Variants in DPP6 observed in about 807,000 individuals in gnomAD.
DPP6 encodes the protein A-type potassium channel modulatory protein DPP6.
In DPP6, 69 loss-of-function variants were observed where a neutral mutation model predicts 122.6. That is an observed-to-expected ratio of 0.56 (90% CI 0.46 to 0.69). The LOEUF (loss-of-function observed/expected upper bound fraction) is 0.69, where lower values mean the gene tolerates loss of function less well. Ranked by LOEUF, DPP6 falls within the 30% of genes least tolerant of loss-of-function variation. The pLI is 0.00. For synonymous variants in DPP6, 418 were observed against 433.1 expected (o/e 0.97, Z 0.43); for missense variants, 928 against 1,116.9 (o/e 0.83, Z 2.41).
intron 1 of DPP6, among the ~76,000 whole-genome samples, chr7:153,975,369 G>C (rs1372208076): frequency 8.1e-6 from 1 of 122,924 alleles, no homozygotes; most frequent in Non-Finnish European, 1.6e-5. Flanking sequence ...GGGAACTTAA[G>C]CCTACAAAGA....
chr7:154,677,086 T>G (rs1327904575), intron 7 of DPP6, among the ~76,000 whole-genome samples: 1 of 152,220 alleles, frequency 6.6e-6, no homozygotes, highest in Non-Finnish European at 1.5e-5. Flanking sequence ...TAATACAGAA[T>G]TTCATTCTAT....
At chr7:154,278,800 GTGTA>G (rs924372080) in intron 1 of DPP6, among the ~76,000 whole-genome samples, 1 of 152,178 alleles carries the variant, frequency 6.6e-6, no homozygotes, top group Non-Finnish European at 1.5e-5. Flanking sequence ...ATGTGTATGA[GTGTA>G]TGTATGTGTG....
At chr7:154,499,545 T>G (rs1055079637) in intron 3 of DPP6, among the ~76,000 whole-genome samples, 1 of 152,204 alleles carries the variant, frequency 6.6e-6, no homozygotes, top group African/African-American at 2.4e-5. Flanking sequence ...TCTCATCTCA[T>G]GGGTTTTAAA....
intron 1 of DPP6, among the ~76,000 whole-genome samples, chr7:153,951,697 A>G (rs1341719124): frequency 2.6e-5 from 4 of 152,158 alleles, no homozygotes; most frequent in African/African-American, 9.7e-5. Flanking sequence ...CACCAAACAC[A>G]AGAAGTTTTC....
intron 7 of DPP6, among the ~76,000 whole-genome samples, chr7:154,690,078 T>C (rs2131211612): frequency 6.6e-6 from 1 of 152,316 alleles, no homozygotes; most frequent in Non-Finnish European, 1.5e-5. Flanking sequence ...AAACATAAAT[T>C]CAGGCCCTAA....
intron 3 of DPP6, among the ~76,000 whole-genome samples, chr7:154,526,196 A>G (rs1827393880): frequency 6.6e-6 from 1 of 152,132 alleles, no homozygotes. Flanking sequence ...AAGATTTCCT[A>G]TTTTGTCCCA....
At chr7:153,908,816 C>T (rs573516844) in intron 1 of DPP6, among the ~76,000 whole-genome samples, 5 of 152,174 alleles carry the variant, frequency 3.3e-5, no homozygotes, top group African/African-American at 7.2e-5. Flanking sequence ...GTCAGTGGTG[C>T]AATCTTGGCT....
At chr7:154,466,401 C>A (rs1821787155) in intron 2 of DPP6, among the ~76,000 whole-genome samples, 1 of 152,178 alleles carries the variant, frequency 6.6e-6, no homozygotes, top group Non-Finnish European at 1.5e-5. Flanking sequence ...CTTCTGGAGG[C>A]TGGAAGTCCA....
chr7:154,072,291 G>T (rs1250773295), intron 1 of DPP6, among the ~76,000 whole-genome samples: 1 of 152,202 alleles, frequency 6.6e-6, no homozygotes, highest in Non-Finnish European at 1.5e-5. Flanking sequence ...AGAATCAATT[G>T]CTTATCCATG....
intron 5 of DPP6, among the ~76,000 whole-genome samples, chr7:154,573,430 G>A (rs1831257150): frequency 6.6e-6 from 1 of 152,176 alleles, no homozygotes; most frequent in Non-Finnish European, 1.5e-5. Flanking sequence ...CTTCTGAGAA[G>A]GCAGTGGATG....
chr7:154,819,704 A>AAAAAC, intron 16 of DPP6, among the ~76,000 whole-genome samples: 1 of 152,330 alleles, frequency 6.6e-6, no homozygotes, highest in Non-Finnish European at 1.5e-5. Context: ...AAACAAAAAC[A>AAAAAC]AAAACAATGC....
At position 154,406,447 on chromosome 7, in the gene DPP6, ACG is replaced by A. The variant is rs1386631922; in HGVS notation, c.244-39765_244-39764del. Among the ~76,000 whole-genome samples the A allele has an allele frequency of 4.9e-3, 568 of 116,484 alleles. 1 individual carries two copies. Among genetic ancestry groups the A allele is most frequent in the Non-Finnish European group, 6.8e-3 (371 of 54,352 alleles). The allele number at this position is 116,484 out of a possible 152,430, so 76.4% of individuals were successfully genotyped here. Reference sequence around the variant, plus strand: ...CACGCATGCACACACACACACACACACGCACACATGCACATGCACACGCACAC... The same window carrying A: ...CACGCATGCACACACACACACACACACACACATGCACATGCACACGCACAC... On this transcript the variant is annotated intron_variant, in intron 1 of 25. Transcript: ENST00000377770.
At chr7:154,181,749 C>CTTTTTTTTTT (rs57576340) in intron 1 of DPP6, among the ~76,000 whole-genome samples, 1 of 134,912 alleles carries the variant, frequency 7.4e-6, no homozygotes. Context: ...GCATCTCCCT[C>CTTTTTTTTTT]TTTTTTTTTT....
intron 1 of DPP6, among the ~76,000 whole-genome samples, chr7:154,281,365 A>G (rs1804501067): frequency 6.6e-6 from 1 of 151,970 alleles, no homozygotes; most frequent in African/African-American, 2.4e-5. Context: ...AAATGGGTGC[A>G]TCCTCTACAA....
chr7:154,260,732 ATATATG>A (rs1563381283), intron 1 of DPP6, among the ~76,000 whole-genome samples: 1 of 147,952 alleles, frequency 6.8e-6, no homozygotes, highest in African/African-American at 2.5e-5. Flanking sequence ...TAAAATACAT[ATATATG>A]TATAATATAT....
At chr7:154,322,993 G>A (rs1320928082) in intron 1 of DPP6, among the ~76,000 whole-genome samples, 1 of 151,990 alleles carries the variant, frequency 6.6e-6, no homozygotes, top group Non-Finnish European at 1.5e-5. Flanking sequence ...ACTCCAGTCA[G>A]ACCTTCTGTT....
chr7:153,781,075 C>T, the DPP6 span, among the ~76,000 whole-genome samples: 49 of 152,070 alleles, frequency 3.2e-4, no homozygotes, highest in African/African-American at 1.2e-3. Context: ...AGGACTGGAC[C>T]GTTTTAGTCA....
At chr7:154,063,010 C>G (rs539747835) in intron 1 of DPP6, among the ~76,000 whole-genome samples, 2 of 129,760 alleles carry the variant, frequency 1.5e-5, no homozygotes, top group Admixed American at 8.0e-5. Context: ...CTCTTCCCCC[C>G]CTGGCTCTGA....
intron 1 of DPP6, among the ~76,000 whole-genome samples, chr7:154,060,434 G>A (rs10257291): frequency 0.056 from 7,281 of 129,426 alleles, 1,411 homozygotes; most frequent in African/African-American, 0.23. Flanking sequence ...CCCGCGAGGC[G>A]GGGACTGCGA....
Sources: gnomAD v4.1 joint callset for allele counts (sites outside exome capture counted in the v4.1 genomes callset) on GRCh38, gnomAD v4.1.1 for gene constraint, MANE v1.5 for transcripts, NCBI Gene and HGNC (gene_info 2026-07-23, HGNC 2026-07-21) for gene names.